Variants in RFX1 observed in about 807,000 individuals in gnomAD.
RFX1 encodes the protein MHC class II regulatory factor RFX1.
Under a neutral mutation model 119.6 loss-of-function variants are expected in RFX1, and 42 were observed. That is an observed-to-expected ratio of 0.35 (90% CI 0.27 to 0.45). The LOEUF is 0.45. Among genes scored for constraint, RFX1 ranks in the 20% least tolerant of loss-of-function variants. The pLI is 1.00. For synonymous variants in RFX1, 628 were observed against 618.5 expected, an observed-to-expected ratio of 1.02 and a Z score of -0.23; for missense variants, 1,118 against 1,368.1, an observed-to-expected ratio of 0.82 and a Z score of 2.88.
chr19:13,986,633 G>A lies in RFX1; in HGVS notation c.320-3038C>T, dbSNP rs946545737. On this transcript the variant is annotated intron_variant, in intron 2 of 20. Transcript: ENST00000254325. This position sits in a 1 kb window ranked among gnomAD's most constrained non-coding sequence, Gnocchi z 4.2. The stretch of plus-strand genomic sequence containing the variant: ...TATCTGCCGGAGATCGCCACTCTGG[G>A]CATGCGCAGGAGGCCAGGGAGGCCC... Among the ~76,000 whole-genome samples, 1 of 152,146 alleles carries A rather than the reference G, an allele frequency of 6.6e-6. No homozygotes were observed.
At chr19:13,971,945 G>A (rs994836610) in intron 9 of RFX1, among the ~76,000 whole-genome samples, 36 of 152,200 alleles carry the variant, frequency 2.4e-4, no homozygotes, top group East Asian at 5.8e-4. Flanking sequence ...GGCGGAGGTC[G>A]CAGTGAGCCG....
chr19:13,963,355 G>C (rs1172551956), intron 18 of RFX1, 80 bp from the exon 19 acceptor site: 2 of 1,505,970 alleles, frequency 1.3e-6, no homozygotes, highest in East Asian at 2.5e-5. Flanking sequence ...CGATGCGCCC[G>C]GGCCTCGCGC....
At chr19:14,003,962 A>G (rs1272230382) in intron 1 of RFX1, among the ~76,000 whole-genome samples, 1 of 151,858 alleles carries the variant, frequency 6.6e-6, no homozygotes, top group Non-Finnish European at 1.5e-5. Flanking sequence ...GCTGGAGTGC[A>G]GTGGCCTGTG....
intron 1 of RFX1, among the ~76,000 whole-genome samples, chr19:13,994,893 C>CATATATATATATATAT (rs566150731): frequency 3.4e-5 from 2 of 59,306 alleles, no homozygotes; most frequent in Non-Finnish European, 3.3e-5. Context: ...AATATACATA[C>CATATATATATATATAT]ATATATATAT....
intron 1 of RFX1, among the ~76,000 whole-genome samples, chr19:13,994,938 A>ATG (rs1974958496): frequency 2.0e-5 from 2 of 101,576 alleles, no homozygotes; most frequent in Non-Finnish European, 4.0e-5. Context: ...ATATATATAT[A>ATG]ATCATTTTTT....
intron 2 of RFX1, among the ~76,000 whole-genome samples, 190 bp from the exon 3 acceptor site, chr19:13,983,785 G>A (rs1375944056): frequency 1.3e-5 from 2 of 152,230 alleles, no homozygotes; most frequent in Non-Finnish European, 2.9e-5. Flanking sequence ...AGCGGGCTGA[G>A]GCTTGCAGGA....
chr19:13,982,342 C>T, intron 4 of RFX1, 114 bp from the exon 5 acceptor site: 2 of 483,700 alleles, frequency 4.1e-6, no homozygotes, highest in African/African-American at 2.2e-5. Context: ...TGTTAGCTCA[C>T]AGAATCGCCC....
chr19:13,974,247 T>G (rs1974182770), intron 8 of RFX1, among the ~76,000 whole-genome samples: 1 of 152,114 alleles, frequency 6.6e-6, no homozygotes, highest in African/African-American at 2.4e-5. Flanking sequence ...TGGAAGGGAC[T>G]AGAGAAGGCG....
chr19:13,999,978 A>T (rs1430796454), intron 1 of RFX1, among the ~76,000 whole-genome samples: 1 of 151,876 alleles, frequency 6.6e-6, no homozygotes, highest in African/African-American at 2.4e-5. Context: ...GACTGGCCTG[A>T]CCCCTGTTTT....
chr19:14,000,779 C>T (rs1014096056), intron 1 of RFX1, among the ~76,000 whole-genome samples: 2 of 151,906 alleles, frequency 1.3e-5, no homozygotes, highest in Non-Finnish European at 2.9e-5. Flanking sequence ...GTCTGGGCAA[C>T]AGAACAAGAC....
At position 13,965,799 on chromosome 19, in the gene RFX1, C is replaced by T. The variant is rs761883317; in HGVS notation, c.1962-22G>A. The T allele has an allele frequency of 9.3e-6, 15 of 1,611,714 alleles. No individual in the cohort carries two copies. The East Asian group carries it at 1.1e-4, about 12-fold the overall frequency. The stretch of plus-strand genomic sequence containing the variant: ...ATGTCTGCGGGCACCCACCCCACCC[C>T]GGGTCACTGGGGTACTCTATGGTCC... On this transcript the variant is annotated intron_variant, in intron 14 of 20. Transcript: ENST00000254325. The surrounding 1 kb of genome is among the most constrained non-coding windows in gnomAD (Gnocchi z 4.7).
In RFX1 at chr19:13,973,047, G is replaced by A. The variant is rs766118274; in HGVS notation, c.1010C>T (p.Thr337Met). 9.4e-6 allele frequency: 15 copies of A among 1,601,658 alleles called. No homozygotes were observed. The highest frequency in any genetic ancestry group is 5.0e-5 in the Admixed American group (3 of 59,974). Residue 337 changes from threonine (T) to methionine (M), a missense_variant, in exon 9 of 21, where the codon ACG (threonine) becomes ATG (methionine). Around this residue, in one of 5 missense-constraint regions of RFX1, gnomAD observed 542 missense variants for 602.7 expected, o/e 0.90. Coordinates refer to ENST00000254325, the MANE Select transcript of RFX1 (RefSeq NM_002918.5). Reference protein sequence around the residue: ...ASTSYYEAAGTATQVSTPATS... With the variant: ...ASTSYYEAAGMATQVSTPATS... ...GGCGGGGGTGCTGACCTGGGTGGCC[G>A]TGCCTGCGGCCTCGTAGTAGCTGGT...
rs1478332277 is a variant in RFX1, at chr19:13,980,839, C to T, written c.622-150G>A. 8 of 576,204 alleles carry T rather than the reference C, an allele frequency of 1.4e-5. No homozygotes were observed. The highest frequency in any genetic ancestry group is 2.2e-5 in the Non-Finnish European group (7 of 323,920). 35.7% of individuals were successfully genotyped at this position (576,204 alleles called of 1,614,324 possible). A position where few individuals can be genotyped will look rare whatever the true frequency, so the allele number is the denominator to read the frequency against. On this transcript the variant is annotated intron_variant, in intron 5 of 20. Transcript: ENST00000254325. The surrounding 1 kb of genome is among the most constrained non-coding windows in gnomAD (Gnocchi z 5.1). Reference sequence around the variant, plus strand: ...CCAACCACCGAGGCTGGTAACTGACCGCGTCCCACGCATCCAAATGCCTAC... The same window carrying T: ...CCAACCACCGAGGCTGGTAACTGACTGCGTCCCACGCATCCAAATGCCTAC...
chr19:13,974,122 T>A (rs937931731), intron 8 of RFX1, among the ~76,000 whole-genome samples: 3 of 151,908 alleles, frequency 2.0e-5, no homozygotes, highest in African/African-American at 7.3e-5. Context: ...AACCGTCTAG[T>A]TGGGGAGACA....
intron 18 of RFX1, 26 bp downstream of exon 18, chr19:13,963,484 GGGACGCGGGGCCTTCCCTGGTGCCGCCC>G: frequency 6.6e-7 from 1 of 1,520,476 alleles, no homozygotes; most frequent in Non-Finnish European, 8.9e-7. Flanking sequence ...GAGACCCCCA[GGGACGCGGGGCCTTCCCTGGTGCCGCCC>G]GGACCCGATC....
rs971117585 is a variant in RFX1 at position 13,983,738 on chromosome 19, C to G, written c.320-143G>C. Reference sequence around the variant, plus strand: ...TCCAAGAGTCCTGCTTCCCCCTGGCCAGCCCTGACTGCACCCATCAGGGGC... The same window carrying G: ...TCCAAGAGTCCTGCTTCCCCCTGGCGAGCCCTGACTGCACCCATCAGGGGC... On this transcript the variant is annotated intron_variant, in intron 2 of 20. Coordinates refer to ENST00000254325, the MANE Select transcript of RFX1 (RefSeq NM_002918.5). The G allele has an allele frequency of 5.9e-6, 4 of 682,472 alleles. No individual in the cohort carries two copies. The African/African-American group carries it at 7.2e-5, about 12-fold the overall frequency. 42.3% of individuals were successfully genotyped at this position (682,472 alleles called of 1,614,324 possible).
At position 13,969,928 on chromosome 19, in the gene RFX1, T is replaced by TGGGGGGGGGG; in HGVS notation, c.1496+65_1496+66insCCCCCCCCCC. On this transcript the variant is annotated intron_variant, in intron 10 of 20. Coordinates refer to ENST00000254325, the MANE Select transcript of RFX1 (RefSeq NM_002918.5). The surrounding 1 kb of genome is among the most constrained non-coding windows in gnomAD (Gnocchi z 4.5). ...CTGGACTGCCTGAGATGACTCGGAG[T>TGGGGGGGGGG]GGGGGTGGGCCTTGGCATGCCCACC... The TGGGGGGGGGG allele has an allele frequency of 1.3e-6, 2 of 1,488,598 alleles. No individual in the cohort carries two copies. Among genetic ancestry groups the TGGGGGGGGGG allele is most frequent in the Non-Finnish European group, 1.8e-6 (2 of 1,102,172 alleles). The allele number at this position is 1,488,598 out of a possible 1,614,324, so 92.2% of individuals were successfully genotyped here.
Position 13,969,234 on chromosome 19 carries a change from T to C in RFX1, c.1497-340A>G, listed in dbSNP as rs1568461019. On this transcript the variant is annotated intron_variant, in intron 10 of 20. Transcript: ENST00000254325. The surrounding 1 kb of genome is among the most constrained non-coding windows in gnomAD (Gnocchi z 4.5). Reference sequence around the variant, plus strand: ...AGGGGCGGGTTCTTGGGATGCCTTCTTGTTCCTTCCCGCATGAATTTACTG... The same window carrying C: ...AGGGGCGGGTTCTTGGGATGCCTTCCTGTTCCTTCCCGCATGAATTTACTG... Among the ~76,000 whole-genome samples the C allele has an allele frequency of 1.3e-5, 2 of 152,184 alleles. No individual in the cohort carries two copies. Among genetic ancestry groups the C allele is most frequent in the African/African-American group, 4.8e-5 (2 of 41,446 alleles).
chr19:13,983,186 C>A lies in RFX1; in HGVS notation c.513+1G>T. ...GTGGTGGCCAGGTGCAGCAGCATTACCTGCTGGGGCACTTGGATGTTGGTC... is the reference window on the plus strand; with the variant it reads ...GTGGTGGCCAGGTGCAGCAGCATTAACTGCTGGGGCACTTGGATGTTGGTC... On this transcript the variant is annotated splice_donor_variant, in intron 4 of 20. Transcript: ENST00000254325. LOFTEE classifies it high-confidence loss of function. The A allele has an allele frequency of 6.4e-7, 1 of 1,565,754 alleles. No individual in the cohort carries two copies. Among genetic ancestry groups the A allele is most frequent in the Non-Finnish European group, 8.6e-7 (1 of 1,159,768 alleles).
Sources: allele counts gnomAD v4.1 joint callset (sites outside exome capture counted in the v4.1 genomes callset), GRCh38; gene constraint gnomAD v4.1.1; regional missense constraint gnomAD v4.1.1; non-coding constraint Gnocchi (gnomAD v3.1); transcripts MANE v1.5; gene names NCBI Gene and HGNC (gene_info 2026-07-23, HGNC 2026-07-21).